RBFOX1: variants seen among roughly 807,000 people sequenced by gnomAD.
The protein encoded by RBFOX1 is RNA binding fox-1 homolog 1, also known as RNA binding protein fox-1 homolog 1.
RBFOX1 carries 8 observed loss-of-function variants against 57.7 expected under a neutral mutation model. The observed-to-expected ratio is 0.14, with a 90% confidence interval of 0.08 to 0.25. The LOEUF is 0.25. Ranked by LOEUF, RBFOX1 falls within the 10% of genes least tolerant of loss-of-function variation. RBFOX1 has a pLI of 1.00. For synonymous variants in RBFOX1, 326 were observed against 222.4 expected (o/e 1.47, Z -4.15); for missense variants, 611 against 548.5 (o/e 1.11, Z -1.14).
intron 2 of RBFOX1, among the ~76,000 whole-genome samples, chr16:6,578,444 C>T (rs2097479142): frequency 1.3e-5 from 2 of 152,102 alleles, no homozygotes. Context: ...GCTGATGGAA[C>T]AGTGATCTGC....
At chr16:7,605,879 C>G (rs1323170366) in intron 9 of RBFOX1, among the ~76,000 whole-genome samples, 1 of 152,136 alleles carries the variant, frequency 6.6e-6, no homozygotes, top group Non-Finnish European at 1.5e-5. Context: ...CACTCTGTCA[C>G]CTAGGCTGGA....
At chr16:6,982,303 T>A (rs529429842) in intron 3 of RBFOX1, among the ~76,000 whole-genome samples, 1 of 152,312 alleles carries the variant, frequency 6.6e-6, no homozygotes, top group South Asian at 2.1e-4. Context: ...ATTATTCCAT[T>A]TTGATCTTTA....
At chr16:6,790,595 C>T (rs541899227) in intron 3 of RBFOX1, among the ~76,000 whole-genome samples, 1 of 152,190 alleles carries the variant, frequency 6.6e-6, no homozygotes, top group Non-Finnish European at 1.5e-5. Flanking sequence ...ACTGCCTTCT[C>T]CAATTCAGCA....
At chr16:6,307,446 A>C (rs955691269) in intron 1 of RBFOX1, among the ~76,000 whole-genome samples, 1 of 151,668 alleles carries the variant, frequency 6.6e-6, no homozygotes, top group African/African-American at 2.4e-5. Flanking sequence ...ATAAGAAATA[A>C]ATTATTTCTT....
chr16:5,575,600 G>A (rs552519675), intron 2 of RBFOX1, among the ~76,000 whole-genome samples: 8 of 152,332 alleles, frequency 5.3e-5, no homozygotes, highest in African/African-American at 1.7e-4. Context: ...AGCCAGGGTT[G>A]GAGCTACCTG....
intron 12 of RBFOX1, among the ~76,000 whole-genome samples, chr16:7,655,334 C>G (rs1293582562): frequency 6.6e-6 from 1 of 152,118 alleles, no homozygotes; most frequent in Admixed American, 6.5e-5. Context: ...TGAATTGGGT[C>G]AACTTTGAGC....
At chr16:6,284,004 T>C (rs1275957271) in intron 1 of RBFOX1, among the ~76,000 whole-genome samples, 1 of 152,088 alleles carries the variant, frequency 6.6e-6, no homozygotes, top group Non-Finnish European at 1.5e-5. Flanking sequence ...TAGTGAGCTG[T>C]GGATGGTGCT....
chr16:6,396,641 C>G (rs895697932), intron 2 of RBFOX1, among the ~76,000 whole-genome samples: 1 of 152,082 alleles, frequency 6.6e-6, no homozygotes, highest in Non-Finnish European at 1.5e-5. Flanking sequence ...TAACTGCCTG[C>G]TATAACAAAA....
chr16:6,629,973 TAAAAA>T (rs146210467), intron 2 of RBFOX1, among the ~76,000 whole-genome samples: 7 of 129,982 alleles, frequency 5.4e-5, no homozygotes, highest in African/African-American at 2.0e-4. Flanking sequence ...TTTTTTTTTT[TAAAAA>T]AAAAAAAGAC....
chr16:6,329,600 C>T (rs530712306), intron 2 of RBFOX1, among the ~76,000 whole-genome samples: 97 of 152,252 alleles, frequency 6.4e-4, no homozygotes, highest in African/African-American at 2.2e-3. Flanking sequence ...GAGACCTCAG[C>T]TAATGTCTGG....
At chr16:5,965,936 C>A (rs1029096120) in intron 4 of RBFOX1, among the ~76,000 whole-genome samples, 1 of 152,174 alleles carries the variant, frequency 6.6e-6, no homozygotes, top group African/African-American at 2.4e-5. Context: ...CCCAGAAGAT[C>A]TGGATGTTAT....
At chr16:6,279,418 C>G (rs913863780) in intron 1 of RBFOX1, among the ~76,000 whole-genome samples, 24 of 152,262 alleles carry the variant, frequency 1.6e-4, no homozygotes, top group African/African-American at 5.8e-4. Context: ...ATGAGTAAGT[C>G]TTTGACAATC....
intron 2 of RBFOX1, among the ~76,000 whole-genome samples, chr16:6,407,933 A>G (rs567432638): frequency 2.0e-5 from 3 of 152,244 alleles, no homozygotes; most frequent in South Asian, 2.1e-4. Flanking sequence ...TCTCAGCACA[A>G]TAGTATTAAG....
chr16:7,131,364 T>A lies in RBFOX1; in HGVS notation c.27+79266T>A, dbSNP rs201754172. Among the ~76,000 whole-genome samples, 655 of 83,176 alleles carry A rather than the reference T, an allele frequency of 7.9e-3. 3 individuals carry two copies. Among genetic ancestry groups the A allele is most frequent in the South Asian group, 0.012 (30 of 2,482 alleles). The allele number at this position is 83,176 out of a possible 152,430, so 54.6% of individuals were successfully genotyped here. On this transcript the variant is annotated intron_variant, in intron 4 of 15. Coordinates refer to ENST00000550418, the MANE Select transcript of RBFOX1 (RefSeq NM_018723.4). The stretch of plus-strand genomic sequence containing the variant: ...GTCTTTTTTTTTTTTTTTTTTTTTT[T>A]AAAAAAAAAAAAAAAGAATCATAGG...
At chr16:7,467,591 C>T (rs970517086) in intron 4 of RBFOX1, among the ~76,000 whole-genome samples, 1 of 152,164 alleles carries the variant, frequency 6.6e-6, no homozygotes, top group Non-Finnish European at 1.5e-5. Context: ...AGCTGTGGGA[C>T]TTTGGGCAGA....
intron 2 of RBFOX1, among the ~76,000 whole-genome samples, chr16:6,353,938 T>A (rs2152852386): frequency 6.6e-6 from 1 of 152,174 alleles, no homozygotes; most frequent in East Asian, 1.9e-4. Context: ...TCTAGAAGCA[T>A]AAACACATAA....
intron 4 of RBFOX1, among the ~76,000 whole-genome samples, chr16:7,386,110 C>T (rs1395142788): frequency 1.3e-5 from 2 of 151,880 alleles, no homozygotes; most frequent in Non-Finnish European, 2.9e-5. Context: ...TTTTGCCACA[C>T]GCTAAACAAG....
intron 2 of RBFOX1, among the ~76,000 whole-genome samples, chr16:5,583,646 A>C (rs966453093): frequency 4.6e-5 from 7 of 152,120 alleles, no homozygotes; most frequent in African/African-American, 1.4e-4. Context: ...TTCTTTTAAC[A>C]TTGGGCTGGG....
intron 2 of RBFOX1, among the ~76,000 whole-genome samples, chr16:6,524,108 A>T (rs191061096): frequency 1.1e-4 from 17 of 152,178 alleles, no homozygotes; most frequent in African/African-American, 4.1e-4. Flanking sequence ...ATTCTATTTC[A>T]TGTACCCATT....
Sources: allele counts gnomAD v4.1 joint callset (sites outside exome capture counted in the v4.1 genomes callset), GRCh38; gene constraint gnomAD v4.1.1; transcripts MANE v1.5; gene names NCBI Gene and HGNC (gene_info 2026-07-23, HGNC 2026-07-21).